Variants in CMTM4 observed in about 807,000 individuals in gnomAD.
CMTM4 encodes CKLF like MARVEL transmembrane domain containing 4, also known as CKLF-like MARVEL transmembrane domain-containing protein 4.
Under a neutral mutation model 19.0 loss-of-function variants are expected in CMTM4, and 8 were observed. That is an observed-to-expected ratio of 0.42 (90% CI 0.25 to 0.76). CMTM4 has a LOEUF of 0.76. Ranked by LOEUF, CMTM4 falls within the 30% of genes least tolerant of loss-of-function variation. The probability of loss-of-function intolerance (pLI) is 0.27; values close to 1 mark genes in which losing one functional copy is unlikely to be tolerated. For synonymous variants in CMTM4, 106 were observed against 121.1 expected (o/e 0.88, Z 0.82); for missense variants, 228 against 290.2 (o/e 0.79, Z 1.56).
At chr16:66,666,199 T>C (rs1187299616) in intron 1 of CMTM4, among the ~76,000 whole-genome samples, 1 of 152,162 alleles carries the variant, frequency 6.6e-6, no homozygotes, top group Non-Finnish European at 1.5e-5. Flanking sequence ...ACGCCTGTAA[T>C]CCCAGCACTT....
rs2015525657 is a variant in CMTM4 at position 66,616,296 on chromosome 16, T to A, written c.*5762A>T. ...AGAATTGCCTACTTTGAAAAAAAAA[T>A]AGTCATACTTGTAAATAAATAGTTT... On this transcript the variant is annotated 3_prime_UTR_variant, in exon 4 of 4. Coordinates refer to ENST00000394106, the MANE Select transcript of CMTM4 (RefSeq NM_181521.3). 1 of 151,976 alleles carries A rather than the reference T, an allele frequency of 6.6e-6. No individual in the cohort carries two copies. Among genetic ancestry groups the A allele is most frequent in the Non-Finnish European group, 1.5e-5 (1 of 67,998 alleles). The allele number at this position is 151,976 out of a possible 1,614,324, so 9.4% of individuals were successfully genotyped here.
chr16:66,696,200 ACC>A lies in CMTM4; in HGVS notation c.186+138_186+139del, dbSNP rs1290736850. ...GAGAAGGCTGCAGAGTGGTCCCGGG[ACC>A]CCACGAGGGAGAGGGGGCGCGAGGA... On this transcript the variant is annotated intron_variant, in intron 1 of 3. Coordinates refer to ENST00000394106, the MANE Select transcript of CMTM4 (RefSeq NM_181521.3). The surrounding 1 kb of genome is among the most constrained non-coding windows in gnomAD (Gnocchi z 4.3). 5.8e-6 allele frequency: 3 copies of A among 515,562 alleles called. No homozygotes were observed. The highest frequency in any genetic ancestry group is 8.8e-6 in the Non-Finnish European group (3 of 341,594). 31.9% of individuals were successfully genotyped at this position (515,562 alleles called of 1,614,324 possible).
At position 66,617,250 on chromosome 16, in the gene CMTM4, G is replaced by T. The variant is rs1479130139; in HGVS notation, c.*4808C>A. On this transcript the variant is annotated 3_prime_UTR_variant, in exon 4 of 4. Transcript: ENST00000394106. ...ACTTACCCTATGAAATAGATACACAGTTCAAGGACCCATCATCTGAACTTT... is the reference window on the plus strand; with the variant it reads ...ACTTACCCTATGAAATAGATACACATTTCAAGGACCCATCATCTGAACTTT... The T allele has an allele frequency of 6.2e-7, 1 of 1,609,686 alleles. No homozygotes were observed. The highest frequency in any genetic ancestry group is 8.5e-7 in the Non-Finnish European group (1 of 1,176,848).
chr16:66,645,886 G>C (rs2016185998), intron 1 of CMTM4, among the ~76,000 whole-genome samples: 1 of 151,570 alleles, frequency 6.6e-6, no homozygotes, highest in Non-Finnish European at 1.5e-5. Flanking sequence ...GGCTGAGGCA[G>C]GAGAATCACT....
At position 66,615,915 on chromosome 16, in the gene CMTM4, G is replaced by A. The variant is rs2015518915; in HGVS notation, c.*6143C>T. On this transcript the variant is annotated 3_prime_UTR_variant, in exon 4 of 4. Coordinates refer to ENST00000394106, the MANE Select transcript of CMTM4 (RefSeq NM_181521.3). This position sits in a 1 kb window ranked among gnomAD's most constrained non-coding sequence, Gnocchi z 4.9. ...AAAAAATGCCAAATGCAATTATACT[G>A]ACTTATAATTATTTCACAGAAATAT... 6.6e-6 allele frequency: 1 copy of A among 152,130 alleles called. No individual in the cohort carries two copies. The allele number at this position is 152,130 out of a possible 1,614,324, so 9.4% of individuals were successfully genotyped here.
the CMTM4 span, chr16:66,608,432 GA>G: frequency 6.2e-7 from 1 of 1,614,160 alleles, no homozygotes; most frequent in Non-Finnish European, 8.5e-7. This position sits in a 1 kb window ranked among gnomAD's most constrained non-coding sequence, Gnocchi z 5.1. Flanking sequence ...GCAGCTGAAT[GA>G]CAAGTGGCAG....
intron 1 of CMTM4, among the ~76,000 whole-genome samples, chr16:66,675,998 T>A (rs1436860164): frequency 6.6e-6 from 1 of 152,000 alleles, no homozygotes; most frequent in Non-Finnish European, 1.5e-5. Context: ...GAACTGGAAC[T>A]ATAAGCACAT....
Position 66,696,277 on chromosome 16 carries a change from G to A in CMTM4, c.186+63C>T. The A allele has an allele frequency of 4.3e-6, 5 of 1,162,366 alleles. No individual in the cohort carries two copies. Among genetic ancestry groups the A allele is most frequent in the Non-Finnish European group, 5.5e-6 (5 of 913,062 alleles). The allele number at this position is 1,162,366 out of a possible 1,614,324, so 72.0% of individuals were successfully genotyped here. On this transcript the variant is annotated intron_variant, in intron 1 of 3. Coordinates refer to ENST00000394106, the MANE Select transcript of CMTM4 (RefSeq NM_181521.3). This position sits in a 1 kb window ranked among gnomAD's most constrained non-coding sequence, Gnocchi z 4.3. The stretch of plus-strand genomic sequence containing the variant: ...GTACGCGGCGGAGGCCCCGCAGCGG[G>A]GCGGGGAGGGAGGCGTGCGGCTAGG...
At chr16:66,645,664 C>A (rs57826925) in intron 1 of CMTM4, among the ~76,000 whole-genome samples, 4 of 151,844 alleles carry the variant, frequency 2.6e-5, no homozygotes, top group Non-Finnish European at 5.9e-5. Flanking sequence ...ACATGTATGA[C>A]GCTGCACTGT....
chr16:66,609,558 A>G, the CMTM4 span: 1 of 1,565,432 alleles, frequency 6.4e-7, no homozygotes, highest in African/African-American at 1.3e-5. The surrounding 1 kb of genome is among the most constrained non-coding windows in gnomAD (Gnocchi z 4.4). Context: ...CCCTCTGGAA[A>G]CTGCAGATGC....
intron 1 of CMTM4, among the ~76,000 whole-genome samples, chr16:66,664,852 A>T (rs923002209): frequency 6.6e-6 from 1 of 152,094 alleles, no homozygotes; most frequent in Admixed American, 6.6e-5. Context: ...TATAGGCAGG[A>T]CATGGTGGCT....
At position 66,620,204 on chromosome 16, in the gene CMTM4, G is replaced by A. The variant is rs2144777053; in HGVS notation, c.*1854C>T. On this transcript the variant is annotated 3_prime_UTR_variant, in exon 4 of 4. Transcript: ENST00000394106. ...CCATTTAATGCAAGGCTGAGCCTTT[G>A]TGGCCCTATTTTAAAAGGAACTCTC... 2.0e-6 allele frequency: 2 copies of A among 985,444 alleles called. No homozygotes were observed. The highest frequency in any genetic ancestry group is 2.4e-6 in the Non-Finnish European group (2 of 829,936). 61.0% of individuals were successfully genotyped at this position (985,444 alleles called of 1,614,324 possible). A position where few individuals can be genotyped will look rare whatever the true frequency, so the allele number is the denominator to read the frequency against.
At chr16:66,632,082 C>G (rs952665819) in intron 2 of CMTM4, among the ~76,000 whole-genome samples, 1 of 152,148 alleles carries the variant, frequency 6.6e-6, no homozygotes. Flanking sequence ...GCCTAAGAGG[C>G]CTCCAGGGCC....
intron 2 of CMTM4, 142 bp downstream of exon 2, chr16:66,636,263 A>T: frequency 3.3e-6 from 2 of 615,294 alleles, no homozygotes; most frequent in Non-Finnish European, 5.4e-6. Context: ...AAAGAAATTT[A>T]AAATTTCACA....
chr16:66,643,323 C>T (rs1478107386), intron 1 of CMTM4, among the ~76,000 whole-genome samples: 1 of 152,196 alleles, frequency 6.6e-6, no homozygotes, highest in East Asian at 1.9e-4. Flanking sequence ...TACCGTAGCA[C>T]TCCCAGTGGA....
intron 2 of CMTM4, among the ~76,000 whole-genome samples, chr16:66,625,797 T>C (rs1007018066): frequency 6.6e-6 from 1 of 152,348 alleles, no homozygotes; most frequent in Admixed American, 6.5e-5. Context: ...CTTCTAGGAC[T>C]GTGCTGTCCA....
At chr16:66,652,543 G>A (rs191250280) in intron 1 of CMTM4, among the ~76,000 whole-genome samples, 4 of 152,302 alleles carry the variant, frequency 2.6e-5, no homozygotes, top group Admixed American at 2.0e-4. Flanking sequence ...TTTGGACATT[G>A]CATTCAATTC....
rs2015495963 is a variant in CMTM4 at position 66,614,817 on chromosome 16, G to C, written c.*7241C>G. 1 of 152,226 alleles carries C rather than the reference G, an allele frequency of 6.6e-6. No homozygotes were observed. Among genetic ancestry groups the C allele is most frequent in the Non-Finnish European group, 1.5e-5 (1 of 68,040 alleles). 9.4% of individuals were successfully genotyped at this position (152,226 alleles called of 1,614,324 possible). A position where few individuals can be genotyped will look rare whatever the true frequency, so the allele number is the denominator to read the frequency against. On this transcript the variant is annotated 3_prime_UTR_variant, in exon 4 of 4. Transcript: ENST00000394106. The surrounding 1 kb of genome is among the most constrained non-coding windows in gnomAD (Gnocchi z 4.9). Reference sequence around the variant, plus strand: ...TTAATACAATAGTTATTAACGATTAGTGTTGAGAAAATTATTTCCCTCTAC... The same window carrying C: ...TTAATACAATAGTTATTAACGATTACTGTTGAGAAAATTATTTCCCTCTAC...
chr16:66,645,019 C>T (rs574575199), intron 1 of CMTM4, among the ~76,000 whole-genome samples: 1 of 152,344 alleles, frequency 6.6e-6, no homozygotes, highest in East Asian at 1.9e-4. Flanking sequence ...CACGGTGGCT[C>T]ATGCCTGTAA....
Sources: gnomAD v4.1 joint callset for allele counts (sites outside exome capture counted in the v4.1 genomes callset) on GRCh38, gnomAD v4.1.1 for gene constraint, Gnocchi (gnomAD v3.1) non-coding constraint, MANE v1.5 for transcripts, NCBI Gene and HGNC (gene_info 2026-07-23, HGNC 2026-07-21) for gene names.